UNC13C: variants seen among roughly 807,000 people sequenced by gnomAD.
UNC13C encodes protein unc-13 homolog C.
A neutral mutation model predicts 245.4 loss-of-function variants in UNC13C; 174 were observed. The observed-to-expected ratio is 0.71, with a 90% confidence interval of 0.63 to 0.80. UNC13C has a LOEUF of 0.80. Among genes scored for constraint, UNC13C ranks in the 30% least tolerant of loss-of-function variants. The probability of loss-of-function intolerance (pLI) is 0.00; values close to 1 mark genes in which losing one functional copy is unlikely to be tolerated. For synonymous variants in UNC13C, 992 were observed against 895.1 expected, an observed-to-expected ratio of 1.11 and a Z score of -1.93; for missense variants, 2,829 against 2,602.9, an observed-to-expected ratio of 1.09 and a Z score of -1.89.
At chr15:54,500,258 T>A in intron 21 of UNC13C, 83 bp downstream of exon 21, 2 of 1,002,936 alleles carry the variant, frequency 2.0e-6, no homozygotes, top group Admixed American at 2.7e-5. Context: ...ATTATTAGAC[T>A]CATTGTTATT....
the UNC13C span, among the ~76,000 whole-genome samples, chr15:53,956,277 G>A: frequency 4.6e-5 from 7 of 152,060 alleles, no homozygotes; most frequent in South Asian, 2.1e-4. Context: ...TCAGCATCAC[G>A]CAATGTACTC....
At chr15:53,899,032 G>A in the UNC13C span, among the ~76,000 whole-genome samples, 1 of 151,532 alleles carries the variant, frequency 6.6e-6, no homozygotes, top group Admixed American at 6.6e-5. Flanking sequence ...CTGGCTGGAC[G>A]TTCTTCCAAT....
chr15:53,951,808 C>A, the UNC13C span, among the ~76,000 whole-genome samples: 1 of 152,136 alleles, frequency 6.6e-6, no homozygotes, highest in South Asian at 2.1e-4. Flanking sequence ...TGCAAGTAAC[C>A]TTTCCTCCTA....
intron 2 of UNC13C, among the ~76,000 whole-genome samples, chr15:54,040,126 C>T (rs894771470): frequency 3.9e-5 from 6 of 152,114 alleles, no homozygotes; most frequent in Non-Finnish European, 8.8e-5. Flanking sequence ...TTCTAGTCAC[C>T]TGGATTCACT....
Position 54,408,222 on chromosome 15 carries a change from A to AC in UNC13C, c.4848-6760_4848-6759insC, listed in dbSNP as rs1490402449. ...CTCAAAAAAAAAAAAAAAAAAAAAA[A>AC]AAAAAAACATGGGCAAGAACCATAG... On this transcript the variant is annotated intron_variant, in intron 18 of 32. Transcript: ENST00000260323. Among the ~76,000 whole-genome samples the AC allele has an allele frequency of 5.0e-4, 72 of 145,150 alleles. 1 individual carries two copies. Among genetic ancestry groups the AC allele is most frequent in the East Asian group, 2.5e-3 (12 of 4,840 alleles).
chr15:53,952,697 C>T, the UNC13C span, among the ~76,000 whole-genome samples: 3 of 152,114 alleles, frequency 2.0e-5, no homozygotes, highest in African/African-American at 7.2e-5. Context: ...ATTAGGAATC[C>T]GCTGTGCTGG....
chr15:53,942,961 C>A, the UNC13C span, among the ~76,000 whole-genome samples: 1 of 152,174 alleles, frequency 6.6e-6, no homozygotes. Flanking sequence ...TTGTGCCCAG[C>A]CTATCCTGTA....
intron 4 of UNC13C, among the ~76,000 whole-genome samples, chr15:54,179,975 AATG>A (rs890259447): frequency 8.5e-5 from 13 of 152,224 alleles, no homozygotes; most frequent in African/African-American, 2.4e-4. Flanking sequence ...GAGAAAATAA[AATG>A]ATATCTTTAA....
intron 4 of UNC13C, among the ~76,000 whole-genome samples, chr15:54,152,751 A>T (rs1056078703): frequency 1.3e-5 from 2 of 152,120 alleles, no homozygotes; most frequent in African/African-American, 4.8e-5. Flanking sequence ...ACTAAATAAG[A>T]TGGAAAGTGT....
chr15:53,861,342 G>A, the UNC13C span, among the ~76,000 whole-genome samples: 2 of 152,210 alleles, frequency 1.3e-5, no homozygotes, highest in East Asian at 3.9e-4. Context: ...GATATAATTG[G>A]AAACTTTATC....
At chr15:54,282,639 G>A (rs2037029630) in intron 10 of UNC13C, among the ~76,000 whole-genome samples, 1 of 152,144 alleles carries the variant, frequency 6.6e-6, no homozygotes, top group Non-Finnish European at 1.5e-5. Flanking sequence ...CATCATGTGG[G>A]GTGGGTGCCC....
At chr15:53,931,433 T>A in the UNC13C span, among the ~76,000 whole-genome samples, 2 of 152,146 alleles carry the variant, frequency 1.3e-5, no homozygotes, top group Non-Finnish European at 2.9e-5. Flanking sequence ...CTTCCCAGAG[T>A]GCTGGGATTA....
At chr15:54,217,952 A>G (rs1172949925) in intron 4 of UNC13C, among the ~76,000 whole-genome samples, 1 of 151,884 alleles carries the variant, frequency 6.6e-6, no homozygotes, top group African/African-American at 2.4e-5. Context: ...CATCCCTCTA[A>G]TGTCAAGACC....
intron 2 of UNC13C, among the ~76,000 whole-genome samples, chr15:54,035,281 A>C (rs1167637250): frequency 1.3e-5 from 2 of 152,258 alleles, no homozygotes; most frequent in African/African-American, 4.8e-5. Flanking sequence ...ACAAAAATCC[A>C]AAGTGCAGAA....
chr15:54,392,939 G>A (rs952501216), intron 17 of UNC13C, 109 bp from the exon 18 acceptor site: 7 of 1,314,100 alleles, frequency 5.3e-6, no homozygotes, highest in Non-Finnish European at 6.0e-6. Context: ...CATAATCTAA[G>A]TTTCATTTCC....
At chr15:54,524,209 C>T (rs910767558) in intron 24 of UNC13C, among the ~76,000 whole-genome samples, 1 of 149,598 alleles carries the variant, frequency 6.7e-6, no homozygotes, top group Admixed American at 6.6e-5. Context: ...TTTTCTCACT[C>T]TTATAGAAGT....
intron 29 of UNC13C, among the ~76,000 whole-genome samples, chr15:54,560,739 A>G (rs993861609): frequency 6.6e-6 from 1 of 151,990 alleles, no homozygotes; most frequent in African/African-American, 2.4e-5. Context: ...AACAAGTATA[A>G]TATCAGGATA....
intron 2 of UNC13C, among the ~76,000 whole-genome samples, chr15:54,086,523 G>A (rs1448510099): frequency 6.6e-6 from 1 of 151,976 alleles, no homozygotes; most frequent in African/African-American, 2.4e-5. Flanking sequence ...AGGCAGGTTT[G>A]ATACTCCTTT....
chr15:54,024,978 C>G (rs1252363321), intron 2 of UNC13C, among the ~76,000 whole-genome samples: 1 of 152,094 alleles, frequency 6.6e-6, no homozygotes, highest in African/African-American at 2.4e-5. Flanking sequence ...CTTCATTCAT[C>G]AAACTTGATT....
Sources: allele counts gnomAD v4.1 joint callset (sites outside exome capture counted in the v4.1 genomes callset), GRCh38; gene constraint gnomAD v4.1.1; transcripts MANE v1.5; gene names NCBI Gene and HGNC (gene_info 2026-07-23, HGNC 2026-07-21).